ATXN1: variants seen among roughly 807,000 people sequenced by gnomAD.
ATXN1 encodes ataxin-1.
ATXN1 carries 8 observed loss-of-function variants against 56.4 expected under a neutral mutation model. That is an observed-to-expected ratio of 0.14 (90% CI 0.08 to 0.26). The LOEUF is 0.26. Among genes scored for constraint, ATXN1 ranks in the 10% least tolerant of loss-of-function variants. ATXN1 has a pLI of 1.00. For synonymous variants in ATXN1, 514 were observed against 494.6 expected (o/e 1.04, Z -0.52); for missense variants, 987 against 1,106.5 (o/e 0.89, Z 1.53).
chr6:16,705,968 T>C (rs1759397645), intron 2 of ATXN1, among the ~76,000 whole-genome samples: 1 of 152,090 alleles, frequency 6.6e-6, no homozygotes, highest in South Asian at 2.1e-4. Flanking sequence ...CCAAGATCTC[T>C]GCTTGGCTCA....
At chr6:16,581,170 A>G (rs1214233465) in intron 4 of ATXN1, among the ~76,000 whole-genome samples, 2 of 150,964 alleles carry the variant, frequency 1.3e-5, no homozygotes, top group Non-Finnish European at 2.9e-5. Context: ...CCTGAAGGGG[A>G]AAAGACCCCA....
intron 5 of ATXN1, among the ~76,000 whole-genome samples, chr6:16,489,931 T>C (rs763513061): frequency 6.6e-6 from 1 of 152,112 alleles, no homozygotes; most frequent in African/African-American, 2.4e-5. Context: ...GTCAGATAAT[T>C]TGTATTTCTG....
rs1417300928 is a variant in ATXN1, at chr6:16,389,160, A to T, written c.-160-60690T>A. ...GAGACCAGCCTGACCAACATGGTGA[A>T]ACCTCGTCTGTACTAAAAGTACAAA... On this transcript the variant is annotated intron_variant, in intron 6 of 7. Transcript: ENST00000436367. Among the ~76,000 whole-genome samples, 5 of 152,198 alleles carry T rather than the reference A, an allele frequency of 3.3e-5. No homozygotes were observed. In the East Asian group the frequency reaches 9.7e-4, roughly 29 times the overall value.
At chr6:16,693,940 T>C (rs1416568543) in intron 2 of ATXN1, among the ~76,000 whole-genome samples, 1 of 152,172 alleles carries the variant, frequency 6.6e-6, no homozygotes, top group Non-Finnish European at 1.5e-5. Flanking sequence ...TCCGACACAC[T>C]AATTATAAAA....
intron 6 of ATXN1, among the ~76,000 whole-genome samples, chr6:16,330,666 A>C (rs1760966709): frequency 6.6e-6 from 1 of 152,126 alleles, no homozygotes. Context: ...TACAGGCATG[A>C]GCCACTGCAG....
At chr6:16,582,758 C>T (rs1017065017) in intron 4 of ATXN1, among the ~76,000 whole-genome samples, 1 of 152,226 alleles carries the variant, frequency 6.6e-6, no homozygotes, top group African/African-American at 2.4e-5. Flanking sequence ...ACAACCAACA[C>T]GTCTGCATTT....
chr6:16,572,406 T>C (rs1202620017), intron 4 of ATXN1, among the ~76,000 whole-genome samples: 2 of 152,190 alleles, frequency 1.3e-5, no homozygotes, highest in Non-Finnish European at 2.9e-5. Flanking sequence ...TAATCAAATG[T>C]GTATGTCTAA....
intron 6 of ATXN1, among the ~76,000 whole-genome samples, chr6:16,390,105 C>T (rs1351248447): frequency 6.6e-6 from 1 of 152,144 alleles, no homozygotes; most frequent in Non-Finnish European, 1.5e-5. Flanking sequence ...CTGGCTAACA[C>T]GAGCTTCCCA....
At chr6:16,676,441 G>T (rs1166180537) in intron 2 of ATXN1, among the ~76,000 whole-genome samples, 1 of 152,170 alleles carries the variant, frequency 6.6e-6, no homozygotes, top group Admixed American at 6.5e-5. Context: ...TCTGGTATTA[G>T]CACTAGTTTC....
At chr6:16,491,277 ATTTTTTTTTTTT>A (rs57395401) in intron 5 of ATXN1, among the ~76,000 whole-genome samples, 14 of 132,208 alleles carry the variant, frequency 1.1e-4, no homozygotes, top group South Asian at 2.4e-4. Flanking sequence ...TATTATTATT[ATTTTTTTTTTTT>A]TTTTTTTTTT....
intron 6 of ATXN1, among the ~76,000 whole-genome samples, chr6:16,466,695 T>TTG (rs1402077135): frequency 6.7e-6 from 1 of 150,058 alleles, no homozygotes; most frequent in Admixed American, 6.7e-5. Context: ...ATGTATTTAT[T>TTG]TGTATATATA....
intron 6 of ATXN1, among the ~76,000 whole-genome samples, chr6:16,345,963 T>A (rs796475132): frequency 6.6e-6 from 1 of 152,086 alleles, no homozygotes; most frequent in Non-Finnish European, 1.5e-5. Context: ...TAAAAAAAAA[T>A]TGACACTCCC....
chr6:16,721,243 G>A (rs767552106), intron 2 of ATXN1, among the ~76,000 whole-genome samples: 8 of 152,200 alleles, frequency 5.3e-5, no homozygotes, highest in Admixed American at 2.0e-4. Context: ...ACAAGGTTAC[G>A]GCATGTAGCC....
chr6:16,452,287 G>T (rs999171909), intron 6 of ATXN1, among the ~76,000 whole-genome samples: 5 of 152,188 alleles, frequency 3.3e-5, no homozygotes, highest in African/African-American at 1.2e-4. Context: ...TTTAGGGAAT[G>T]AATACATGCA....
chr6:16,598,128 CTATAAA>C (rs1203966233), intron 3 of ATXN1, among the ~76,000 whole-genome samples: 2 of 152,008 alleles, frequency 1.3e-5, no homozygotes, highest in African/African-American at 4.8e-5. Context: ...TAATTATTGC[CTATAAA>C]TATAAAAAGT....
In ATXN1 at chr6:16,306,552, C is replaced by T; in HGVS notation, c.2225G>A (p.Gly742Asp). ...CATTTTCTCTGGAAACTTCAGTTCG[C>T]CATTCTCAGAGAGCATCTGGGCACT... ...QGSAQMLSEN[G>D]ELKFPEKMGL... is the part of the protein sequence containing the mutation. Residue 742 changes from glycine (G) to aspartate (D), a missense_variant, in exon 8 of 8, where the codon GGC (glycine) becomes GAC (aspartate). Physicochemically the swap from Gly to Asp is moderately conservative, Grantham distance 94. Coordinates refer to ENST00000436367, the MANE Select transcript of ATXN1 (RefSeq NM_001128164.2). This position sits in a 1 kb window ranked among gnomAD's most constrained non-coding sequence, Gnocchi z 5.2. 6.2e-7 allele frequency: 1 copy of T among 1,614,244 alleles called. No homozygotes were observed. The highest frequency in any genetic ancestry group is 1.7e-5 in the Admixed American group (1 of 60,036).
intron 2 of ATXN1, among the ~76,000 whole-genome samples, chr6:16,748,119 T>C (rs564265723): frequency 4.8e-4 from 73 of 152,158 alleles, no homozygotes; most frequent in Non-Finnish European, 9.1e-4. Context: ...ATAAGCAAAT[T>C]GCCACTGTCA....
At position 16,640,761 on chromosome 6, in the gene ATXN1, G is replaced by A. The variant is rs199801935; in HGVS notation, c.-489+17015C>T. Reference sequence around the variant, plus strand: ...ATAGCCGCTAAGCATTCAAGTGAAAGGAAGAGTGAGTCACATACCTCTCAA... The same window carrying A: ...ATAGCCGCTAAGCATTCAAGTGAAAAGAAGAGTGAGTCACATACCTCTCAA... On this transcript the variant is annotated intron_variant, in intron 3 of 7. Transcript: ENST00000436367. Among the ~76,000 whole-genome samples, 6 of 152,090 alleles carry A rather than the reference G, an allele frequency of 3.9e-5. No individual in the cohort carries two copies. The East Asian group carries it at 1.2e-3, about 30-fold the overall frequency.
chr6:16,659,029 CT>C (rs1436722734), intron 2 of ATXN1, among the ~76,000 whole-genome samples: 3 of 152,116 alleles, frequency 2.0e-5, no homozygotes, highest in Non-Finnish European at 4.4e-5. Context: ...AATAGTCAAC[CT>C]TTTTTTCGGG....
Sources: gnomAD v4.1 joint callset for allele counts (sites outside exome capture counted in the v4.1 genomes callset) on GRCh38, gnomAD v4.1.1 for gene constraint, Gnocchi (gnomAD v3.1) non-coding constraint, MANE v1.5 for transcripts, NCBI Gene and HGNC (gene_info 2026-07-23, HGNC 2026-07-21) for gene names.